Variants in CPNE8 observed in about 807,000 individuals in gnomAD.
CPNE8 encodes the protein copine-8.
CPNE8 carries 45 observed loss-of-function variants against 81.5 expected under a neutral mutation model. The ratio of observed to expected loss-of-function variants is 0.55; its 90% CI spans 0.44 to 0.71. CPNE8 has a LOEUF of 0.71. Among genes scored for constraint, CPNE8 ranks in the 30% least tolerant of loss-of-function variants. CPNE8 has a pLI of 0.00. For synonymous variants in CPNE8, 252 were observed against 226.3 expected (o/e 1.11, Z -1.02); for missense variants, 594 against 672.1 (o/e 0.88, Z 1.28).
chr12:38,774,353 T>C (rs755288564), intron 7 of CPNE8, among the ~76,000 whole-genome samples: 1 of 152,168 alleles, frequency 6.6e-6, no homozygotes, highest in Non-Finnish European at 1.5e-5. Flanking sequence ...ACTTCCTTTT[T>C]TCTTTCCTCC....
intron 1 of CPNE8, among the ~76,000 whole-genome samples, chr12:38,899,993 T>A (rs980583737): frequency 5.9e-5 from 9 of 152,206 alleles, no homozygotes; most frequent in African/African-American, 1.9e-4. Flanking sequence ...CAGTAACATG[T>A]AGTAAAGCAA....
At chr12:38,721,001 C>G (rs533660592) in intron 13 of CPNE8, 7 of 152,828 alleles carry the variant, frequency 4.6e-5, no homozygotes, top group African/African-American at 1.7e-4. Context: ...AGCTCCTGCC[C>G]TCACAGGCTC....
intron 6 of CPNE8, among the ~76,000 whole-genome samples, chr12:38,819,766 CA>C (rs71068584): frequency 0.15 from 10,043 of 65,214 alleles, 366 homozygotes; most frequent in African/African-American, 0.32. Flanking sequence ...GACTCCGTCT[CA>C]AAAAAAAAAA....
intron 10 of CPNE8, among the ~76,000 whole-genome samples, chr12:38,753,537 T>A (rs578244482): frequency 6.6e-6 from 1 of 152,190 alleles, no homozygotes; most frequent in South Asian, 2.1e-4. Context: ...TGAAGTAACA[T>A]AGCAAGAAGC....
chr12:38,700,089 C>T (rs1939901911), intron 14 of CPNE8, among the ~76,000 whole-genome samples: 1 of 152,194 alleles, frequency 6.6e-6, no homozygotes. Flanking sequence ...TGGCTACAAC[C>T]TCCAGTATAA....
Position 38,704,826 on chromosome 12 carries a change from G to GTATATATATGTGTGTATATATA in CPNE8, c.915-1906_915-1905insTATATATACACACATATATATA, listed in dbSNP as rs58878926. On this transcript the variant is annotated intron_variant, in intron 13 of 19. Transcript: ENST00000331366. Reference sequence around the variant, plus strand: ...GGACCATCTGTGTGTGTATGTATGTGTATATATATATATATATATATATAT... The same window carrying GTATATATATGTGTGTATATATA: ...GGACCATCTGTGTGTGTATGTATGTGTATATATATGTGTGTATATATATATATATATATATATATATATATAT... 1.6e-3 allele frequency among the ~76,000 whole-genome samples: 80 copies of GTATATATATGTGTGTATATATA among 50,188 alleles called. 4 individuals are homozygous for GTATATATATGTGTGTATATATA. The highest frequency in any genetic ancestry group is 3.5e-3 in the African/African-American group (76 of 21,644). 32.9% of individuals were successfully genotyped at this position (50,188 alleles called of 152,430 possible).
intron 6 of CPNE8, among the ~76,000 whole-genome samples, chr12:38,822,562 T>C (rs950824058): frequency 6.6e-6 from 1 of 152,208 alleles, no homozygotes; most frequent in Non-Finnish European, 1.5e-5. Flanking sequence ...CTTACAATAA[T>C]ACTCTTAAAT....
chr12:38,886,855 C>T (rs1944244579), intron 1 of CPNE8, among the ~76,000 whole-genome samples: 1 of 152,082 alleles, frequency 6.6e-6, no homozygotes, highest in Admixed American at 6.5e-5. Flanking sequence ...ATGGGAGACC[C>T]AGATTCAGAG....
At chr12:38,853,565 G>T (rs188064171) in intron 3 of CPNE8, among the ~76,000 whole-genome samples, 1 of 151,640 alleles carries the variant, frequency 6.6e-6, no homozygotes, top group African/African-American at 2.4e-5. Flanking sequence ...AAAATTTTCA[G>T]TTATTTGAAA....
At chr12:38,900,501 A>G (rs980676908) in intron 1 of CPNE8, among the ~76,000 whole-genome samples, 1 of 152,200 alleles carries the variant, frequency 6.6e-6, no homozygotes, top group Non-Finnish European at 1.5e-5. Context: ...GTCCTCAAGG[A>G]GAATAGAAAG....
At chr12:38,765,633 G>A (rs181729561) in intron 8 of CPNE8, among the ~76,000 whole-genome samples, 6 of 152,192 alleles carry the variant, frequency 3.9e-5, no homozygotes, top group Admixed American at 3.9e-4. Flanking sequence ...AGGCGTAAAA[G>A]CATCTGTATA....
intron 6 of CPNE8, among the ~76,000 whole-genome samples, chr12:38,800,087 C>T (rs1271291531): frequency 7.6e-6 from 1 of 131,082 alleles, no homozygotes; most frequent in Admixed American, 8.2e-5. Flanking sequence ...GGGAGGGGCG[C>T]CCGCCATTGC....
chr12:38,717,422 GTGTGGTGTATATATATATATA>G (rs1940423373), intron 13 of CPNE8, among the ~76,000 whole-genome samples: 1 of 39,166 alleles, frequency 2.6e-5, no homozygotes, highest in Non-Finnish European at 4.8e-5. Context: ...AACAAAGAAA[GTGTGGTGTATATATATATATA>G]TATATATATA....
At chr12:38,797,767 T>C (rs955614452) in intron 6 of CPNE8, among the ~76,000 whole-genome samples, 2 of 151,996 alleles carry the variant, frequency 1.3e-5, no homozygotes, top group African/African-American at 4.8e-5. Flanking sequence ...AAGGAGGAAG[T>C]TTGAACCAAT....
At chr12:38,846,785 T>C (rs1943566009) in intron 4 of CPNE8, among the ~76,000 whole-genome samples, 1 of 152,104 alleles carries the variant, frequency 6.6e-6, no homozygotes, top group Non-Finnish European at 1.5e-5. Context: ...ACGTAAAGTA[T>C]ACATAAATAT....
rs1234313737 is a variant in CPNE8 at position 38,787,458 on chromosome 12, A to G, written c.408-11157T>C. ...ATGGGATACAGAAAATGCAGTACTA[A>G]GAAGTTTATAGCTGTAAGTGCTTCC... On this transcript the variant is annotated intron_variant, in intron 6 of 19. Transcript: ENST00000331366. Among the ~76,000 whole-genome samples the G allele has an allele frequency of 2.0e-5, 3 of 151,180 alleles. No homozygotes were observed. The East Asian group carries it at 5.8e-4, about 29-fold the overall frequency.
intron 14 of CPNE8, among the ~76,000 whole-genome samples, chr12:38,694,221 A>G (rs994393681): frequency 1.3e-5 from 2 of 152,290 alleles, no homozygotes; most frequent in African/African-American, 4.8e-5. Flanking sequence ...TGGCAAGATG[A>G]CCCAATAGAT....
At chr12:38,883,765 G>A (rs1353399761) in intron 1 of CPNE8, among the ~76,000 whole-genome samples, 1 of 152,222 alleles carries the variant, frequency 6.6e-6, no homozygotes, top group African/African-American at 2.4e-5. Context: ...CAGTCACACA[G>A]TGTACTCCAT....
In CPNE8 at chr12:38,654,105, C is replaced by A. The variant is rs200950782; in HGVS notation, c.1507-35G>T. The A allele has an allele frequency of 4.5e-6, 7 of 1,556,618 alleles. No homozygotes were observed. The East Asian group carries it at 1.2e-4, about 26-fold the overall frequency. ...AGACGAAAGAAAGTTATTTCACAGA[C>A]TTTAGCAGGCTATGTAATAAACACA... On this transcript the variant is annotated intron_variant, in intron 19 of 19. Transcript: ENST00000331366.
Sources: allele counts gnomAD v4.1 joint callset (sites outside exome capture counted in the v4.1 genomes callset), GRCh38; gene constraint gnomAD v4.1.1; transcripts MANE v1.5; gene names NCBI Gene and HGNC (gene_info 2026-07-23, HGNC 2026-07-21).